SCFD2: variants seen among roughly 807,000 people sequenced by gnomAD.
The protein encoded by SCFD2 is sec1 family domain containing 2, also known as sec1 family domain-containing protein 2.
In SCFD2, 54 loss-of-function variants were observed where a neutral mutation model predicts 58.9. The ratio of observed to expected loss-of-function variants is 0.92; its 90% CI spans 0.74 to 1.15. The LOEUF (loss-of-function observed/expected upper bound fraction) is 1.15, where lower values mean the gene tolerates loss of function less well. Ranked by LOEUF, SCFD2 falls within the 50% of genes most tolerant of loss-of-function variation. SCFD2 has a pLI of 0.00. For synonymous variants in SCFD2, 321 were observed against 335.9 expected (o/e 0.96, Z 0.49); for missense variants, 805 against 836.6 (o/e 0.96, Z 0.47).
chr4:53,274,793 T>C (rs1292209635), intron 3 of SCFD2, among the ~76,000 whole-genome samples: 1 of 152,222 alleles, frequency 6.6e-6, no homozygotes, highest in East Asian at 1.9e-4. Context: ...TAAAATTTCA[T>C]TCCTGCCATT....
chr4:53,048,617 T>A (rs1161043507), intron 5 of SCFD2, among the ~76,000 whole-genome samples: 2 of 152,200 alleles, frequency 1.3e-5, no homozygotes, highest in Non-Finnish European at 2.9e-5. Flanking sequence ...GGTGCATATC[T>A]GTGGTCCCAG....
chr4:53,023,793 G>A (rs1352204490), intron 5 of SCFD2, among the ~76,000 whole-genome samples: 1 of 152,170 alleles, frequency 6.6e-6, no homozygotes, highest in Non-Finnish European at 1.5e-5. Flanking sequence ...GCAAGTGCTA[G>A]TCTCAGAGGT....
chr4:53,111,663 C>T (rs1725176681), intron 5 of SCFD2, among the ~76,000 whole-genome samples: 1 of 152,060 alleles, frequency 6.6e-6, no homozygotes, highest in South Asian at 2.1e-4. Context: ...CTTCCCAAAG[C>T]CCACAGCAAC....
At chr4:52,906,939 G>C (rs1484084964) in intron 7 of SCFD2, among the ~76,000 whole-genome samples, 1 of 152,120 alleles carries the variant, frequency 6.6e-6, no homozygotes, top group East Asian at 1.9e-4. Context: ...GGGTTGTTCA[G>C]TTATTTTGAC....
chr4:53,134,326 T>C (rs28497299), intron 5 of SCFD2, among the ~76,000 whole-genome samples: 67,591 of 151,818 alleles, frequency 0.45, 15,369 homozygotes, highest in South Asian at 0.53. Context: ...CTTAAGAGGG[T>C]AGATCTCATG....
chr4:53,155,412 G>C (rs566278117), intron 4 of SCFD2, among the ~76,000 whole-genome samples: 12 of 152,198 alleles, frequency 7.9e-5, no homozygotes, highest in Middle Eastern at 6.8e-3. Context: ...CAGCAAAAAG[G>C]CCTCACCAAA....
At chr4:53,298,859 C>T (rs1333368492) in intron 3 of SCFD2, among the ~76,000 whole-genome samples, 1 of 152,196 alleles carries the variant, frequency 6.6e-6, no homozygotes, top group East Asian at 1.9e-4. Context: ...CTCCAGTAAA[C>T]TCCCACAGAC....
chr4:53,065,669 TA>T lies in SCFD2; in HGVS notation c.1561+79663del, dbSNP rs1202962753. The stretch of plus-strand genomic sequence containing the variant: ...ATTCTATTCCGAAAGTTTTATCTTA[TA>T]AAAAAATGATAATTTTTTTCCCATT... On this transcript the variant is annotated intron_variant, in intron 5 of 8. Transcript: ENST00000401642. Among the ~76,000 whole-genome samples, 12 of 152,202 alleles carry T rather than the reference TA, an allele frequency of 7.9e-5. No homozygotes were observed. In the East Asian group the frequency reaches 1.4e-3, roughly 17 times the overall value.
At chr4:53,247,266 T>A (rs937640989) in intron 4 of SCFD2, among the ~76,000 whole-genome samples, 4 of 151,858 alleles carry the variant, frequency 2.6e-5, no homozygotes, top group African/African-American at 4.8e-5. Context: ...TGCTGGTGAG[T>A]TTGTGCAGAA....
chr4:53,257,540 G>T (rs541960111), intron 4 of SCFD2, among the ~76,000 whole-genome samples: 2 of 152,212 alleles, frequency 1.3e-5, no homozygotes, highest in African/African-American at 4.8e-5. Flanking sequence ...TAAGACCATA[G>T]GAAAACTCTT....
At chr4:53,090,813 T>G (rs1376390649) in intron 5 of SCFD2, among the ~76,000 whole-genome samples, 1 of 152,058 alleles carries the variant, frequency 6.6e-6, no homozygotes, top group Non-Finnish European at 1.5e-5. Flanking sequence ...GTTCAGAGCT[T>G]CATATATATT....
chr4:53,329,318 G>C (rs1733338017), intron 2 of SCFD2, among the ~76,000 whole-genome samples: 1 of 152,234 alleles, frequency 6.6e-6, no homozygotes, highest in South Asian at 2.1e-4. Flanking sequence ...AAAGACAGCA[G>C]TAACCTCTGC....
intron 5 of SCFD2, among the ~76,000 whole-genome samples, chr4:53,005,281 TA>T (rs1377481777): frequency 1.3e-5 from 2 of 152,178 alleles, no homozygotes; most frequent in Non-Finnish European, 2.9e-5. Context: ...AGAGAGCTGC[TA>T]ATTCTGTACT....
intron 5 of SCFD2, among the ~76,000 whole-genome samples, chr4:52,964,047 A>G (rs1051232468): frequency 2.0e-5 from 3 of 152,222 alleles, no homozygotes; most frequent in African/African-American, 4.8e-5. Flanking sequence ...TAAAGATTGT[A>G]TTCAATTATT....
At chr4:53,242,241 C>A (rs1729917457) in intron 4 of SCFD2, among the ~76,000 whole-genome samples, 1 of 152,210 alleles carries the variant, frequency 6.6e-6, no homozygotes, top group African/African-American at 2.4e-5. Context: ...AGTGTTGTGA[C>A]CAGCAGTATG....
chr4:53,052,526 A>G (rs552693420), intron 5 of SCFD2, among the ~76,000 whole-genome samples: 1 of 152,290 alleles, frequency 6.6e-6, no homozygotes, highest in South Asian at 2.1e-4. Context: ...TGCATTATCA[A>G]CTGGAATACT....
At chr4:53,143,572 G>A (rs1158619202) in intron 5 of SCFD2, among the ~76,000 whole-genome samples, 1 of 152,106 alleles carries the variant, frequency 6.6e-6, no homozygotes, top group Non-Finnish European at 1.5e-5. Context: ...CATCTTGACA[G>A]GGTTTCATTT....
At chr4:53,111,227 C>T (rs1725164551) in intron 5 of SCFD2, among the ~76,000 whole-genome samples, 1 of 151,990 alleles carries the variant, frequency 6.6e-6, no homozygotes, top group Admixed American at 6.6e-5. Context: ...AGGAGAAATA[C>T]ATAAGGTAGG....
At chr4:53,107,273 T>C (rs1441285758) in intron 5 of SCFD2, among the ~76,000 whole-genome samples, 1 of 152,158 alleles carries the variant, frequency 6.6e-6, no homozygotes, top group Non-Finnish European at 1.5e-5. Flanking sequence ...TGCAAAAACA[T>C]ACCAAATTGT....
Sources: gnomAD v4.1 joint callset for allele counts (sites outside exome capture counted in the v4.1 genomes callset) on GRCh38, gnomAD v4.1.1 for gene constraint, MANE v1.5 for transcripts, NCBI Gene and HGNC (gene_info 2026-07-23, HGNC 2026-07-21) for gene names.